The following SAMHD1 variants were observed in gnomAD, a reference collection of about 807,000 sequenced individuals.
SAMHD1 encodes the protein SAM and HD domain containing deoxynucleoside triphosphate triphosphohydrolase 1, also known as deoxynucleoside triphosphate triphosphohydrolase SAMHD1.
In SAMHD1, 54 loss-of-function variants were observed where a neutral mutation model predicts 79.6. The observed-to-expected ratio is 0.68, with a 90% confidence interval of 0.55 to 0.85. SAMHD1 has a LOEUF of 0.85. SAMHD1 is among the 40% of genes least tolerant of loss of function. SAMHD1 has a pLI of 0.00. For missense variants in SAMHD1, 663 were observed against 782.7 expected, an observed-to-expected ratio of 0.85 and a Z score of 1.82; for synonymous variants, 260 against 264.1, an observed-to-expected ratio of 0.98 and a Z score of 0.15.
intron 1 of SAMHD1, among the ~76,000 whole-genome samples, chr20:36,950,444 C>T (rs1399668699): frequency 1.3e-5 from 2 of 152,110 alleles, no homozygotes; most frequent in East Asian, 1.9e-4. Context: ...AGGGCCCCAC[C>T]TAACAAATGC....
chr20:36,901,328 A>G (rs879387828), intron 13 of SAMHD1, among the ~76,000 whole-genome samples: 4 of 152,126 alleles, frequency 2.6e-5, no homozygotes, highest in Non-Finnish European at 4.4e-5. Context: ...CCACACCTGG[A>G]TAATTTTTGT....
At chr20:36,940,914 G>T in intron 3 of SAMHD1, 125 bp downstream of exon 3, 1 of 725,624 alleles carries the variant, frequency 1.4e-6, no homozygotes, top group Non-Finnish European at 2.4e-6. Context: ...GTTTAGAAAA[G>T]ATCCACTACT....
At chr20:36,921,392 C>CAAAAAAA (rs34384942) in intron 6 of SAMHD1, among the ~76,000 whole-genome samples, 1 of 55,084 alleles carries the variant, frequency 1.8e-5, no homozygotes, top group Non-Finnish European at 3.2e-5. Flanking sequence ...GACTCTGTCT[C>CAAAAAAA]AAAAAAAAAA....
chr20:36,949,132 C>T (rs1424082723), intron 1 of SAMHD1, among the ~76,000 whole-genome samples: 7 of 150,188 alleles, frequency 4.7e-5, no homozygotes, highest in Admixed American at 1.3e-4. Context: ...GGCGTGGTGG[C>T]GTGCACCTGT....
intron 6 of SAMHD1, among the ~76,000 whole-genome samples, chr20:36,922,767 C>T (rs917073551): frequency 5.3e-5 from 8 of 152,046 alleles, no homozygotes; most frequent in African/African-American, 1.4e-4. Context: ...ATTGCAGCCT[C>T]GACCTCCCAG....
chr20:36,905,603 C>T (rs1390017591), intron 11 of SAMHD1, 100 bp from the exon 12 acceptor site: 2 of 1,003,414 alleles, frequency 2.0e-6, no homozygotes, highest in Non-Finnish European at 1.5e-6. Context: ...AGGCAGTTCG[C>T]AAATGTAGGT....
At chr20:36,935,964 T>A (rs983799147) in intron 3 of SAMHD1, among the ~76,000 whole-genome samples, 1 of 151,982 alleles carries the variant, frequency 6.6e-6, no homozygotes, top group Non-Finnish European at 1.5e-5. Flanking sequence ...AGATGGAAAT[T>A]CCTCTACCAT....
intron 5 of SAMHD1, among the ~76,000 whole-genome samples, chr20:36,929,959 C>T (rs1041308094): frequency 3.3e-5 from 5 of 151,858 alleles, no homozygotes; most frequent in Non-Finnish European, 5.9e-5. Flanking sequence ...GGCGCGGTGG[C>T]TTACACCTGT....
At chr20:36,939,275 A>G (rs6030302) in intron 3 of SAMHD1, among the ~76,000 whole-genome samples, 293 of 139,884 alleles carry the variant, frequency 2.1e-3, no homozygotes, top group African/African-American at 5.9e-3. Context: ...AAAAAAAAAA[A>G]AAAAGAAAAG....
In SAMHD1 at chr20:36,916,751, T is replaced by C. The variant is rs1232169509; in HGVS notation, c.1033A>G (p.Asn345Asp). ...IKFARVCEVDNELRICARDKE... is the reference protein window; with the variant it reads ...IKFARVCEVDDELRICARDKE... ...TCTCTAGCACAAATACGCAACTCAT[T>C]GTCTACTTCACAGACACGGGCAAAC... Residue 345 changes from asparagine to aspartate, a missense_variant, in exon 9 of 16, where the codon AAT becomes GAT. Transcript: ENST00000646673. 8 of 1,613,762 alleles carry C rather than the reference T, an allele frequency of 5.0e-6. No homozygotes were observed. Among genetic ancestry groups the C allele is most frequent in the Non-Finnish European group, 5.9e-6 (7 of 1,179,806 alleles).
chr20:36,925,974 C>A (rs2063533742), intron 6 of SAMHD1, among the ~76,000 whole-genome samples: 1 of 152,066 alleles, frequency 6.6e-6, no homozygotes, highest in Non-Finnish European at 1.5e-5. Context: ...CGGTATTTAC[C>A]TAAGTGAAAT....
At chr20:36,947,551 GGTGTGTGTGTGTGT>G (rs71186095) in intron 1 of SAMHD1, among the ~76,000 whole-genome samples, 29 of 75,738 alleles carry the variant, frequency 3.8e-4, no homozygotes, top group Admixed American at 7.2e-4. Context: ...TTGGAAGAGG[GGTGTGTGTGTGTGT>G]GTGTGTGTGT....
chr20:36,946,850 T>C, intron 1 of SAMHD1, 46 bp from the exon 2 acceptor site: 1 of 1,445,406 alleles, frequency 6.9e-7, no homozygotes, highest in Non-Finnish European at 9.6e-7. Flanking sequence ...CATATGCTTT[T>C]CATTTTCTTT....
At chr20:36,935,344 ATTTAGGTATC>A (rs2146137833) in intron 3 of SAMHD1, 155 bp from the exon 4 acceptor site, 1 of 673,470 alleles carries the variant, frequency 1.5e-6, no homozygotes, top group East Asian at 2.7e-5. Context: ...TCATTACCTT[ATTTAGGTATC>A]ACTACCAGAC....
At chr20:36,937,392 T>C (rs1374381062) in intron 3 of SAMHD1, among the ~76,000 whole-genome samples, 1 of 152,104 alleles carries the variant, frequency 6.6e-6, no homozygotes, top group Non-Finnish European at 1.5e-5. Flanking sequence ...CATAAAAACT[T>C]AAAACTTTTG....
chr20:36,929,722 A>T (rs6072740), intron 5 of SAMHD1, among the ~76,000 whole-genome samples: 136,821 of 151,850 alleles, frequency 0.9, 61,896 homozygotes, highest in East Asian at 1. Flanking sequence ...CAAAAATAAA[A>T]AAATAAATGG....
At position 36,890,870 on chromosome 20, in the gene SAMHD1, A is replaced by G. The variant is rs1368708025; in HGVS notation, c.*2062T>C. ...ACAGCTGCGTTACATGTAACAAAAG[A>G]TGCAAACAAAATAGATTCAAGTTGT... On this transcript the variant is annotated 3_prime_UTR_variant, in exon 16 of 16. Coordinates refer to ENST00000646673, the MANE Select transcript of SAMHD1 (RefSeq NM_015474.4). 6.6e-6 allele frequency: 1 copy of G among 152,252 alleles called. No individual in the cohort carries two copies. The highest frequency in any genetic ancestry group is 1.5e-5 in the Non-Finnish European group (1 of 68,050). The allele number at this position is 152,252 out of a possible 1,614,324, so 9.4% of individuals were successfully genotyped here.
rs57902699 is a variant in SAMHD1 at position 36,898,910 on chromosome 20, CAAAAAAAA to C, written c.1504-374_1504-367del. Among the ~76,000 whole-genome samples, 428 of 69,426 alleles carry C rather than the reference CAAAAAAAA, an allele frequency of 6.2e-3. 4 individuals carry two copies. Among genetic ancestry groups the C allele is most frequent in the African/African-American group, 0.019 (392 of 20,232 alleles). 45.5% of individuals were successfully genotyped at this position (69,426 alleles called of 152,430 possible). A position where few individuals can be genotyped will look rare whatever the true frequency, so the allele number is the denominator to read the frequency against. On this transcript the variant is annotated intron_variant, in intron 13 of 15. Coordinates refer to ENST00000646673, the MANE Select transcript of SAMHD1 (RefSeq NM_015474.4). Reference sequence around the variant, plus strand: ...CTGGCGACAGAGTGAGACTCTGACTCAAAAAAAAAAAAAAAAAAAAAGAAAGAAAGAAA... The same window carrying C: ...CTGGCGACAGAGTGAGACTCTGACTCAAAAAAAAAAAAAGAAAGAAAGAAA...
chr20:36,916,071 G>C (rs1023510413), intron 9 of SAMHD1, among the ~76,000 whole-genome samples: 1 of 151,122 alleles, frequency 6.6e-6, no homozygotes, highest in African/African-American at 2.4e-5. Context: ...TGAGGCAGGA[G>C]AATGGCGTGA....
Sources: allele counts gnomAD v4.1 joint callset (sites outside exome capture counted in the v4.1 genomes callset), GRCh38; gene constraint gnomAD v4.1.1; transcripts MANE v1.5; gene names NCBI Gene and HGNC (gene_info 2026-07-23, HGNC 2026-07-21).